VPS26A: variants seen among roughly 807,000 people sequenced by gnomAD.
VPS26A encodes vacuolar protein sorting-associated protein 26A.
Under a neutral mutation model 42.4 loss-of-function variants are expected in VPS26A, and 22 were observed. That is an observed-to-expected ratio of 0.52 (90% CI 0.37 to 0.74). VPS26A has a LOEUF of 0.74. VPS26A is among the 30% of genes least tolerant of loss of function. VPS26A has a pLI of 0.00. For synonymous variants in VPS26A, 110 were observed against 123.5 expected (o/e 0.89, Z 0.73); for missense variants, 276 against 379.2 (o/e 0.73, Z 2.26).
chr10:69,150,025 G>A (rs752666163), intron 2 of VPS26A, among the ~76,000 whole-genome samples: 8 of 151,596 alleles, frequency 5.3e-5, no homozygotes, highest in Non-Finnish European at 1.0e-4. Context: ...GATTACAGGC[G>A]TGAGCTACTG....
At position 69,138,105 on chromosome 10, in the gene VPS26A, A is replaced by G. The variant is rs531829304; in HGVS notation, c.153+5058A>G. Among the ~76,000 whole-genome samples, 239 of 151,570 alleles carry G rather than the reference A, an allele frequency of 1.6e-3. 1 individual carries two copies. The highest frequency in any genetic ancestry group is 6.8e-3 in the Middle Eastern group (2 of 292). On this transcript the variant is annotated intron_variant, in intron 2 of 8. Transcript: ENST00000263559. ...TATTCTGGACATTTCATATAAATGG[A>G]ATTATACAATGTGTGGTCTTTTCCT...
chr10:69,133,342 T>C (rs1840829971), intron 2 of VPS26A, among the ~76,000 whole-genome samples: 2 of 151,938 alleles, frequency 1.3e-5, no homozygotes, highest in Admixed American at 1.3e-4. Context: ...TTTGTGATTA[T>C]GTGCTTCTGT....
intron 2 of VPS26A, among the ~76,000 whole-genome samples, chr10:69,144,307 C>T (rs7901617): frequency 0.72 from 108,948 of 152,060 alleles, 42,824 homozygotes; most frequent in Non-Finnish European, 0.89. Context: ...CTCTGTTGTA[C>T]ATTTTCTGGG....
chr10:69,133,021 T>C lies in VPS26A; in HGVS notation c.127T>C (p.Tyr43His), dbSNP rs756626968. The change falls in exon 2 of 9, where the codon TAT (tyrosine) becomes CAT (histidine). Residue 43 changes from tyrosine (Y) to histidine (H), a missense_variant. Tyr to His is a moderately conservative substitution (Grantham distance 83). Transcript: ENST00000263559. ...DGKVEKHYLF[Y>H]DGESVSGKVN... Reference sequence around the variant, plus strand: ...CAAAGTAGAAAAACACTATCTCTTCTATGACGGAGAATCCGTTTCAGGAAA... The same window carrying C: ...CAAAGTAGAAAAACACTATCTCTTCCATGACGGAGAATCCGTTTCAGGAAA... The C allele has an allele frequency of 2.5e-6, 4 of 1,605,738 alleles. No homozygotes were observed.
At chr10:69,166,253 A>C in intron 7 of VPS26A, 143 bp downstream of exon 7, 1 of 719,552 alleles carries the variant, frequency 1.4e-6, no homozygotes, top group Non-Finnish European at 2.3e-6. Flanking sequence ...ATCTTTGTAC[A>C]GCTGCAAAGA....
At chr10:69,135,090 C>G (rs1300431470) in intron 2 of VPS26A, among the ~76,000 whole-genome samples, 1 of 152,148 alleles carries the variant, frequency 6.6e-6, no homozygotes, top group East Asian at 1.9e-4. Flanking sequence ...AGCTTTCTTT[C>G]TAGGGAGAGA....
intron 5 of VPS26A, among the ~76,000 whole-genome samples, chr10:69,162,103 C>T (rs968076910): frequency 1.3e-5 from 2 of 151,800 alleles, no homozygotes; most frequent in African/African-American, 2.4e-5. Flanking sequence ...GCAGTCCTCC[C>T]GCTTCAGCCT....
chr10:69,128,993 T>A, intron 1 of VPS26A, among the ~76,000 whole-genome samples: 1 of 38,250 alleles, frequency 2.6e-5, no homozygotes, highest in Non-Finnish European at 5.4e-5. Flanking sequence ...TGAGACTCTG[T>A]CTCAAAAAAA....
intron 2 of VPS26A, among the ~76,000 whole-genome samples, chr10:69,144,857 T>C (rs1589352540): frequency 6.6e-6 from 1 of 152,118 alleles, no homozygotes; most frequent in South Asian, 2.1e-4. Flanking sequence ...GGCTTGACTT[T>C]GTAGTCTCTT....
At chr10:69,170,250 C>G (rs1841786439) in intron 8 of VPS26A, 1 of 152,060 alleles carries the variant, frequency 6.6e-6, no homozygotes, top group Non-Finnish European at 1.5e-5. Flanking sequence ...AGAGACAAAA[C>G]CTATTCCAGT....
At position 69,131,176 on chromosome 10, in the gene VPS26A, C is replaced by T. The variant is rs540542898; in HGVS notation, c.4-1722C>T. 5.3e-5 allele frequency among the ~76,000 whole-genome samples: 8 copies of T among 152,274 alleles called. 1 individual carries two copies. Among genetic ancestry groups the T allele is most frequent in the Admixed American group, 2.6e-4 (4 of 15,294 alleles). On this transcript the variant is annotated intron_variant, in intron 1 of 8. Coordinates refer to ENST00000263559, the MANE Select transcript of VPS26A (RefSeq NM_004896.5). ...AATTTTTGTATTAAAGACGGGGCTT[C>T]ACCATGTTGGCCAGGCTTGTCCCGA... is the stretch of plus-strand genomic sequence containing the variant.
At chr10:69,145,821 T>G (rs939839044) in intron 2 of VPS26A, among the ~76,000 whole-genome samples, 17 of 152,030 alleles carry the variant, frequency 1.1e-4, no homozygotes, top group Admixed American at 2.0e-4. Flanking sequence ...ATTTGCAGAG[T>G]TGAGCCACCA....
At chr10:69,143,923 T>A (rs1357326849) in intron 2 of VPS26A, among the ~76,000 whole-genome samples, 1 of 152,146 alleles carries the variant, frequency 6.6e-6, no homozygotes, top group Non-Finnish European at 1.5e-5. Flanking sequence ...TCCCCATGTT[T>A]CCCAGGCTAA....
rs776714168 is a variant in VPS26A at position 69,166,027 on chromosome 10, A to G, written c.659-15A>G. The G allele has an allele frequency of 1.2e-6, 2 of 1,603,784 alleles. No individual in the cohort carries two copies. The highest frequency in any genetic ancestry group is 3.4e-5 in the Admixed American group (2 of 59,122). ...TGGAATATTTAAATTAATGTTATTT[A>G]CATTATTGCACTAGGACCCAGTACC... is the stretch of plus-strand genomic sequence containing the variant. On this transcript the variant is annotated splice_polypyrimidine_tract_variant and intron_variant, in intron 6 of 8. Coordinates refer to ENST00000263559, the MANE Select transcript of VPS26A (RefSeq NM_004896.5).
At chr10:69,164,745 T>C (rs1196877383) in intron 6 of VPS26A, among the ~76,000 whole-genome samples, 1 of 152,194 alleles carries the variant, frequency 6.6e-6, no homozygotes, top group Non-Finnish European at 1.5e-5. Context: ...GTTTAGGGAT[T>C]TTGTTTCATT....
At chr10:69,148,065 G>T (rs1347938249) in intron 2 of VPS26A, among the ~76,000 whole-genome samples, 1 of 151,976 alleles carries the variant, frequency 6.6e-6, no homozygotes, top group Non-Finnish European at 1.5e-5. Flanking sequence ...GTATTGCTGA[G>T]AATTTTTTTT....
At chr10:69,133,757 A>G (rs538258384) in intron 2 of VPS26A, 5 of 426,262 alleles carry the variant, frequency 1.2e-5, no homozygotes, top group Non-Finnish European at 2.1e-5. Context: ...ATCATGGCTT[A>G]CTGCATGCGG....
In VPS26A at chr10:69,157,117, G is replaced by A. The variant is rs1186559540; in HGVS notation, c.340G>A (p.Val114Ile). ...SRSYDFEFMQ[V>I]EKPYESYIGA... The stretch of plus-strand genomic sequence containing the variant: ...AAGTTATGATTTTGAATTTATGCAA[G>A]TTGAAAAGCCATATGAATCTTACAT... Residue 114 changes from valine (V) to isoleucine (I), a missense_variant, in exon 4 of 9, where the codon GTT becomes ATT. Val to Ile is a conservative substitution (Grantham distance 29, BLOSUM62 3). Coordinates refer to ENST00000263559, the MANE Select transcript of VPS26A (RefSeq NM_004896.5). The A allele has an allele frequency of 6.2e-7, 1 of 1,613,620 alleles. No homozygotes were observed.
At chr10:69,127,546 C>T (rs1354044429) in intron 1 of VPS26A, among the ~76,000 whole-genome samples, 1 of 149,772 alleles carries the variant, frequency 6.7e-6, no homozygotes, top group Non-Finnish European at 1.5e-5. Context: ...GAGCGAGACT[C>T]CATCTCAAAA....
Sources: gnomAD v4.1 joint callset for allele counts (sites outside exome capture counted in the v4.1 genomes callset) on GRCh38, gnomAD v4.1.1 for gene constraint, MANE v1.5 for transcripts, NCBI Gene and HGNC (gene_info 2026-07-23, HGNC 2026-07-21) for gene names.